RUNDC3B: variants seen among roughly 807,000 people sequenced by gnomAD.
The protein encoded by RUNDC3B is RUN domain containing 3B, also known as RUN domain-containing protein 3B.
In RUNDC3B, 33 loss-of-function variants were observed where a neutral mutation model predicts 58.4. The ratio of observed to expected loss-of-function variants is 0.56; its 90% CI spans 0.43 to 0.75. The LOEUF is 0.75. Ranked by LOEUF, RUNDC3B falls within the 30% of genes least tolerant of loss-of-function variation. The pLI, the probability that RUNDC3B is intolerant of heterozygous loss-of-function variation, is 0.00. For synonymous variants in RUNDC3B, 193 were observed against 195.2 expected (o/e 0.99, Z 0.10); for missense variants, 501 against 535.7 (o/e 0.94, Z 0.64).
chr7:87,740,076 A>G (rs1832224095), intron 5 of RUNDC3B, among the ~76,000 whole-genome samples, 196 bp downstream of exon 5: 1 of 152,170 alleles, frequency 6.6e-6, no homozygotes, highest in Non-Finnish European at 1.5e-5. Flanking sequence ...CTGAAACTTA[A>G]TGAATTGATA....
chr7:87,677,274 A>AACAC (rs57009840), intron 2 of RUNDC3B, among the ~76,000 whole-genome samples: 1,630 of 135,864 alleles, frequency 0.012, 16 homozygotes, highest in African/African-American at 0.026. Context: ...CAGTGTATAT[A>AACAC]ACACACACAC....
intron 2 of RUNDC3B, among the ~76,000 whole-genome samples, chr7:87,692,613 AT>A (rs1828116701): frequency 1.3e-5 from 2 of 152,190 alleles, no homozygotes; most frequent in South Asian, 4.1e-4. Flanking sequence ...TTTAAGTCAG[AT>A]TTTCATGGAA....
At chr7:87,747,384 G>A (rs1436308708) in intron 6 of RUNDC3B, among the ~76,000 whole-genome samples, 1 of 152,150 alleles carries the variant, frequency 6.6e-6, no homozygotes, top group Non-Finnish European at 1.5e-5. Context: ...GGTAGCAGGG[G>A]GGTGAGGGGT....
intron 8 of RUNDC3B, among the ~76,000 whole-genome samples, chr7:87,790,598 G>A (rs1413614925): frequency 6.6e-6 from 1 of 151,948 alleles, no homozygotes; most frequent in Non-Finnish European, 1.5e-5. Context: ...AATAATACAG[G>A]TAAGTAATTT....
intron 2 of RUNDC3B, among the ~76,000 whole-genome samples, chr7:87,688,191 G>A (rs994472669): frequency 2.0e-5 from 3 of 151,974 alleles, no homozygotes; most frequent in Admixed American, 6.6e-5. Flanking sequence ...GAAAATCATC[G>A]TATTCATGTA....
At chr7:87,701,971 G>A (rs971626037) in intron 3 of RUNDC3B, among the ~76,000 whole-genome samples, 17 of 151,494 alleles carry the variant, frequency 1.1e-4, no homozygotes, top group Admixed American at 5.3e-4. Context: ...GTGAAACCCC[G>A]TCTCTACTGA....
intron 3 of RUNDC3B, among the ~76,000 whole-genome samples, chr7:87,707,215 CAAGAT>C (rs1463639234): frequency 2.6e-5 from 4 of 151,846 alleles, no homozygotes; most frequent in African/African-American, 9.7e-5. Flanking sequence ...CATCAAGAAA[CAAGAT>C]TGAATGACTG....
In RUNDC3B at chr7:87,770,682, A is replaced by G; in HGVS notation, c.731A>G (p.Asp244Gly). 1 of 1,613,752 alleles carries G rather than the reference A, an allele frequency of 6.2e-7. No homozygotes were observed. The highest frequency in any genetic ancestry group is 1.6e-4 in the Middle Eastern group (1 of 6,062). ...AATGTCGGACCTCCTTTCCTCATGG[A>G]TGAGAACAGTTGGTTCAACAAGTGT... is the stretch of plus-strand genomic sequence containing the variant. ...PENVGPPFLM[D>G]ENSWFNKCKR... Residue 244 changes from aspartate (D) to glycine (G), a missense_variant, in exon 7 of 11, where the codon GAT (aspartate) becomes GGT (glycine). Physicochemically the swap from Asp to Gly is moderately conservative, Grantham distance 94. Coordinates refer to ENST00000394654, the MANE Select transcript of RUNDC3B (RefSeq NM_001134405.2).
At chr7:87,734,084 A>T (rs1831774371) in intron 4 of RUNDC3B, among the ~76,000 whole-genome samples, 1 of 152,226 alleles carries the variant, frequency 6.6e-6, no homozygotes, top group Non-Finnish European at 1.5e-5. Flanking sequence ...ACAAAACCAC[A>T]ATGAAATAAC....
chr7:87,765,519 G>T (rs758775295), intron 6 of RUNDC3B, among the ~76,000 whole-genome samples: 2 of 151,942 alleles, frequency 1.3e-5, no homozygotes, highest in African/African-American at 4.8e-5. Flanking sequence ...GTTTCAAAAA[G>T]AATGTTGGAT....
intron 2 of RUNDC3B, among the ~76,000 whole-genome samples, chr7:87,674,250 T>G (rs1174286295): frequency 6.6e-6 from 1 of 152,018 alleles, no homozygotes; most frequent in East Asian, 1.9e-4. Context: ...AGGGTACCAG[T>G]GGAAGCGAGG....
chr7:87,735,260 T>A (rs1325344834), intron 4 of RUNDC3B, among the ~76,000 whole-genome samples: 1 of 152,170 alleles, frequency 6.6e-6, no homozygotes, highest in East Asian at 1.9e-4. Flanking sequence ...TGATCCTACC[T>A]CCAAATCTAT....
chr7:87,671,422 C>G lies in RUNDC3B; in HGVS notation c.238+20485C>G, dbSNP rs1300995453. Among the ~76,000 whole-genome samples, 3 of 152,166 alleles carry G rather than the reference C, an allele frequency of 2.0e-5. No homozygotes were observed. The East Asian group carries it at 5.8e-4, about 29-fold the overall frequency. On this transcript the variant is annotated intron_variant, in intron 2 of 10. Coordinates refer to ENST00000394654, the MANE Select transcript of RUNDC3B (RefSeq NM_001134405.2). ...GGCTGGAGACACAAGCCTGGAAGAC[C>G]TGTCTGGTGAGGAGATCTGAGAATG...
intron 4 of RUNDC3B, among the ~76,000 whole-genome samples, chr7:87,719,760 A>G (rs1830757375): frequency 1.3e-5 from 2 of 151,870 alleles, no homozygotes; most frequent in African/African-American, 4.8e-5. Flanking sequence ...GGGATCAATC[A>G]ATCAATCAGT....
chr7:87,739,783 T>A lies in RUNDC3B; in HGVS notation c.459-8T>A, dbSNP rs1249816546. On this transcript the variant is annotated splice_polypyrimidine_tract_variant and splice_region_variant and intron_variant, in intron 4 of 10. Coordinates refer to ENST00000394654, the MANE Select transcript of RUNDC3B (RefSeq NM_001134405.2). The stretch of plus-strand genomic sequence containing the variant: ...ATATTTTATATATTCACCCATTTCA[T>A]TTTTTAGGAGATTTTATGAAGATGG... 4 of 1,457,362 alleles carry A rather than the reference T, an allele frequency of 2.7e-6. No individual in the cohort carries two copies. The African/African-American group carries it at 5.6e-5, about 20-fold the overall frequency. The allele number at this position is 1,457,362 out of a possible 1,614,324, so 90.3% of individuals were successfully genotyped here.
chr7:87,629,810 C>T (rs553379970), intron 1 of RUNDC3B, among the ~76,000 whole-genome samples: 45 of 151,646 alleles, frequency 3.0e-4, no homozygotes, highest in African/African-American at 1.0e-3. Context: ...CCTGTAATCC[C>T]AGCTACTCGG....
intron 2 of RUNDC3B, among the ~76,000 whole-genome samples, chr7:87,660,338 C>G (rs1227352784): frequency 6.6e-6 from 1 of 151,944 alleles, no homozygotes; most frequent in East Asian, 1.9e-4. Flanking sequence ...ATTTTGTATT[C>G]TCCTTAAAGT....
chr7:87,829,874 C>A lies in RUNDC3B; in HGVS notation c.1226-11C>A. ...GCAATTAATTATTTGCTATTTAATT[C>A]TAATTTTCAGGTAAGGAAGATACTC... On this transcript the variant is annotated splice_polypyrimidine_tract_variant and intron_variant, in intron 10 of 10. Coordinates refer to ENST00000394654, the MANE Select transcript of RUNDC3B (RefSeq NM_001134405.2). The A allele has an allele frequency of 6.3e-7, 1 of 1,577,602 alleles. No homozygotes were observed. The highest frequency in any genetic ancestry group is 8.6e-7 in the Non-Finnish European group (1 of 1,159,260).
rs1019157312 is a variant in RUNDC3B at position 87,661,272 on chromosome 7, A to G, written c.238+10335A>G. Among the ~76,000 whole-genome samples, 3 of 151,892 alleles carry G rather than the reference A, an allele frequency of 2.0e-5. No homozygotes were observed. The East Asian group carries it at 5.8e-4, about 29-fold the overall frequency. ...TTTTTGCATTACAAACAATTCAATT[A>G]TACTCTTTTAGTTATTTTTAAATAT... On this transcript the variant is annotated intron_variant, in intron 2 of 10. Transcript: ENST00000394654.
Sources: allele counts gnomAD v4.1 joint callset (sites outside exome capture counted in the v4.1 genomes callset), GRCh38; gene constraint gnomAD v4.1.1; transcripts MANE v1.5; gene names NCBI Gene and HGNC (gene_info 2026-07-23, HGNC 2026-07-21).